ZNF407: variants seen among roughly 807,000 people sequenced by gnomAD.
The protein encoded by ZNF407 is zinc finger protein 407.
In ZNF407, 17 loss-of-function variants were observed where a neutral mutation model predicts 131.2. The observed-to-expected ratio is 0.13, with a 90% CI of 0.09 to 0.19. The LOEUF is 0.19. Ranked by LOEUF, ZNF407 falls within the 10% of genes least tolerant of loss-of-function variation. The probability of loss-of-function intolerance (pLI) is 1.00; values close to 1 mark genes in which losing one functional copy is unlikely to be tolerated. For missense variants in ZNF407, 2,681 were observed against 2,830.6 expected (o/e 0.95, Z 1.20); for synonymous variants, 1,156 against 1,062.0 (o/e 1.09, Z -1.72).
chr18:74,936,987 T>G (rs1479198302), intron 8 of ZNF407, among the ~76,000 whole-genome samples: 1 of 152,200 alleles, frequency 6.6e-6, no homozygotes, highest in Non-Finnish European at 1.5e-5. Flanking sequence ...ATTAATTCAT[T>G]TGAGAAGTTA....
In ZNF407 at chr18:74,633,029, C is replaced by T. The variant is rs755384720; in HGVS notation, c.2010C>T (p.Asn670=). Residue 670 remains asparagine, a synonymous_variant, in exon 2 of 9, where the codon AAC becomes AAT. Transcript: ENST00000299687. ...TLPLSTLESE[N]AKESMDDSGK... ...CTTTGAGTACTTTAGAATCAGAAAA[C>T]GCAAAAGAGTCTATGGATGACTCAG... The T allele has an allele frequency of 2.6e-5, 42 of 1,613,374 alleles. No individual in the cohort carries two copies. The highest frequency in any genetic ancestry group is 1.6e-4 in the East Asian group (7 of 44,828).
At chr18:75,032,637 C>T (rs72483084) in intron 8 of ZNF407, among the ~76,000 whole-genome samples, 13 of 152,008 alleles carry the variant, frequency 8.6e-5, no homozygotes, top group African/African-American at 2.2e-4. Context: ...TGGGTGTCCT[C>T]GCCAGGAGGA....
chr18:74,883,999 G>GT (rs1233757847), intron 6 of ZNF407, among the ~76,000 whole-genome samples: 1 of 152,190 alleles, frequency 6.6e-6, no homozygotes, highest in Non-Finnish European at 1.5e-5. Flanking sequence ...TTGTTTGAGA[G>GT]TAGCCAATAT....
At chr18:75,006,332 T>C (rs1216136315) in intron 8 of ZNF407, among the ~76,000 whole-genome samples, 1 of 152,256 alleles carries the variant, frequency 6.6e-6, no homozygotes, top group African/African-American at 2.4e-5. Context: ...CTTTGTTTAC[T>C]CTTATTCTTT....
rs1392068046 is a variant in ZNF407 at position 74,631,095 on chromosome 18, C to T, written c.76C>T (p.Leu26Phe). The change falls in exon 2 of 9, where the codon CTT (leucine) becomes TTT (phenylalanine). Residue 26 changes from leucine (L) to phenylalanine (F), a missense_variant. Around this residue, in one of 6 missense-constraint regions of ZNF407, gnomAD observed 1,789 missense variants for 1,748.7 expected, o/e 1.02. Transcript: ENST00000299687. Reference protein sequence around the residue: ...INKEAQDLTKLSSHNEDGGPV... With the variant: ...INKEAQDLTKFSSHNEDGGPV... ...CAAAGAAGCACAAGACTTGACAAAG[C>T]TTTCATCCCATAATGAAGACGGTGG... 1 of 1,613,738 alleles carries T rather than the reference C, an allele frequency of 6.2e-7. No homozygotes were observed. The highest frequency in any genetic ancestry group is 2.2e-5 in the East Asian group (1 of 44,882).
At chr18:74,834,049 AT>A (rs1463048146) in intron 4 of ZNF407, among the ~76,000 whole-genome samples, 4 of 152,226 alleles carry the variant, frequency 2.6e-5, no homozygotes, top group Admixed American at 1.3e-4. Context: ...TTTGCATAGA[AT>A]TAAATCCTGA....
In ZNF407 at chr18:75,065,361, G is replaced by A. The variant is rs1237008194; in HGVS notation, c.*893G>A. The A allele has an allele frequency of 2.0e-5, 3 of 152,154 alleles. No homozygotes were observed. The highest frequency in any genetic ancestry group is 4.4e-5 in the Non-Finnish European group (3 of 68,036). The allele number at this position is 152,154 out of a possible 1,614,324, so 9.4% of individuals were successfully genotyped here. A position where few individuals can be genotyped will look rare whatever the true frequency, so the allele number is the denominator to read the frequency against. On this transcript the variant is annotated 3_prime_UTR_variant, in exon 9 of 9. Transcript: ENST00000299687. ...TTTGCAGGATTTCTTCGTGATTTCT[G>A]TCCATATGAAAATGCTGACATTAAA...
At chr18:74,685,457 C>T (rs897245576) in intron 3 of ZNF407, among the ~76,000 whole-genome samples, 2 of 152,180 alleles carry the variant, frequency 1.3e-5, no homozygotes, top group African/African-American at 2.4e-5. Context: ...GTCCTCCCTC[C>T]TCAGCACCAT....
chr18:74,794,910 T>C (rs1969891325), intron 4 of ZNF407, among the ~76,000 whole-genome samples: 1 of 152,098 alleles, frequency 6.6e-6, no homozygotes, highest in Non-Finnish European at 1.5e-5. Flanking sequence ...TCCTCCCCTT[T>C]TAGGATGTTT....
chr18:74,758,785 G>A (rs1212336626), intron 3 of ZNF407, among the ~76,000 whole-genome samples: 1 of 151,990 alleles, frequency 6.6e-6, no homozygotes, highest in East Asian at 1.9e-4. Context: ...TGGAGATGTT[G>A]GCCAGGCTGG....
At chr18:74,839,331 G>T (rs905413981) in intron 4 of ZNF407, among the ~76,000 whole-genome samples, 14 of 152,222 alleles carry the variant, frequency 9.2e-5, no homozygotes, top group Non-Finnish European at 2.1e-4. Flanking sequence ...ACACACTGGA[G>T]ATTAATTACA....
chr18:74,899,441 G>C (rs1971494382), intron 7 of ZNF407, among the ~76,000 whole-genome samples: 1 of 152,148 alleles, frequency 6.6e-6, no homozygotes, highest in Admixed American at 6.5e-5. Context: ...CAGGGCTGCT[G>C]GGTGAGTGAC....
At chr18:74,952,750 A>G (rs974300142) in intron 8 of ZNF407, among the ~76,000 whole-genome samples, 3 of 152,260 alleles carry the variant, frequency 2.0e-5, no homozygotes, top group Non-Finnish European at 4.4e-5. Context: ...TGACAGAAGT[A>G]TAAACCCTTG....
At chr18:74,826,477 G>T (rs1970411638) in intron 4 of ZNF407, among the ~76,000 whole-genome samples, 1 of 152,190 alleles carries the variant, frequency 6.6e-6, no homozygotes, top group Admixed American at 6.5e-5. Context: ...TTCAGAAACA[G>T]AGCAAGTTTT....
chr18:74,920,118 G>C (rs1971826942), intron 7 of ZNF407, among the ~76,000 whole-genome samples: 1 of 152,196 alleles, frequency 6.6e-6, no homozygotes, highest in Non-Finnish European at 1.5e-5. Context: ...AAGTGTCTTT[G>C]TTCCCCAGAT....
intron 8 of ZNF407, among the ~76,000 whole-genome samples, chr18:74,957,871 A>G (rs1223437440): frequency 6.6e-6 from 1 of 152,230 alleles, no homozygotes; most frequent in African/African-American, 2.4e-5. Flanking sequence ...CCAGGGTAAG[A>G]GTACTTCTAG....
At chr18:74,612,975 T>C (rs72963739) in intron 1 of ZNF407, among the ~76,000 whole-genome samples, 8,366 of 152,314 alleles carry the variant, frequency 0.055, 299 homozygotes, top group East Asian at 0.12. Context: ...TTTAAAAATC[T>C]TAGTAAGTTT....
At chr18:74,670,458 TA>T (rs1568157398) in intron 3 of ZNF407, among the ~76,000 whole-genome samples, 1 of 152,274 alleles carries the variant, frequency 6.6e-6, no homozygotes, top group East Asian at 1.9e-4. Context: ...ATGATTCGAA[TA>T]AGCAACTGCT....
At chr18:74,879,360 G>A (rs1193303481) in intron 5 of ZNF407, among the ~76,000 whole-genome samples, 1 of 152,068 alleles carries the variant, frequency 6.6e-6, no homozygotes, top group East Asian at 1.9e-4. Flanking sequence ...AGATGTGTGT[G>A]TGGTGCTGCA....
Sources: allele counts gnomAD v4.1 joint callset (sites outside exome capture counted in the v4.1 genomes callset), GRCh38; gene constraint gnomAD v4.1.1; regional missense constraint gnomAD v4.1.1; transcripts MANE v1.5; gene names NCBI Gene and HGNC (gene_info 2026-07-23, HGNC 2026-07-21).